Variants in RHOQ observed in about 807,000 individuals in gnomAD.
The protein encoded by RHOQ is rho-related GTP-binding protein RhoQ.
In RHOQ, 7 loss-of-function variants were observed where a neutral mutation model predicts 25.8. The observed-to-expected ratio is 0.27, with a 90% confidence interval of 0.15 to 0.51. The LOEUF (loss-of-function observed/expected upper bound fraction) is 0.51, where lower values mean the gene tolerates loss of function less well. Among genes scored for constraint, RHOQ ranks in the 20% least tolerant of loss-of-function variants. The pLI is 0.97. For synonymous variants in RHOQ, 97 were observed against 98.6 expected (o/e 0.98, Z 0.10); for missense variants, 165 against 260.6 (o/e 0.63, Z 2.53).
chr2:46,573,423 C>T (rs1669002039), intron 2 of RHOQ, among the ~76,000 whole-genome samples: 1 of 152,198 alleles, frequency 6.6e-6, no homozygotes, highest in Non-Finnish European at 1.5e-5. Context: ...ATTGTTCAGA[C>T]TTAAGAAGTA....
At position 46,545,772 on chromosome 2, in the gene RHOQ, T is replaced by C. The variant is rs565069852; in HGVS notation, c.201+1960T>C. ...GCATCCATAGTTGTGGTACCTGTAA[T>C]CTTCACAGCCATTCTCTGAGTGGGT... On this transcript the variant is annotated intron_variant, in intron 2 of 4. Coordinates refer to ENST00000238738, the MANE Select transcript of RHOQ (RefSeq NM_012249.4). Among the ~76,000 whole-genome samples the C allele has an allele frequency of 2.0e-5, 3 of 152,318 alleles. No homozygotes were observed. The South Asian group carries it at 6.2e-4, about 32-fold the overall frequency.
intron 4 of RHOQ, among the ~76,000 whole-genome samples, chr2:46,578,275 T>A (rs867500843): frequency 2.0e-5 from 3 of 152,202 alleles, no homozygotes; most frequent in Middle Eastern, 3.4e-3. Context: ...ATCAAAGCAG[T>A]CTTGACAGTA....
chr2:46,554,644 C>T (rs1668357132), intron 2 of RHOQ, among the ~76,000 whole-genome samples: 1 of 152,138 alleles, frequency 6.6e-6, no homozygotes, highest in Admixed American at 6.5e-5. Flanking sequence ...CAAGGAGTGG[C>T]TGAAGGGAGA....
At chr2:46,560,711 C>T (rs1313884215) in intron 2 of RHOQ, 1 of 434,680 alleles carries the variant, frequency 2.3e-6, no homozygotes, top group African/African-American at 2.0e-5. Flanking sequence ...CTAATATTCT[C>T]ATTATGCAAT....
rs1473648124 is a variant in RHOQ at position 46,569,786 on chromosome 2, A to G, written c.202-6301A>G. On this transcript the variant is annotated intron_variant, in intron 2 of 4. Transcript: ENST00000238738. The surrounding 1 kb of genome is among the most constrained non-coding windows in gnomAD (Gnocchi z 4.1). The stretch of plus-strand genomic sequence containing the variant: ...ACTAAGCGCTAATCAGGCCAGTGAC[A>G]TATAAATACCATTTCACAACTGAAC... Among the ~76,000 whole-genome samples the G allele has an allele frequency of 6.6e-6, 1 of 152,260 alleles. No individual in the cohort carries two copies. Among genetic ancestry groups the G allele is most frequent in the Non-Finnish European group, 1.5e-5 (1 of 68,044 alleles).
In RHOQ at chr2:46,556,462, T is replaced by C. The variant is rs1004850693; in HGVS notation, c.201+12650T>C. Among the ~76,000 whole-genome samples, 6 of 149,640 alleles carry C rather than the reference T, an allele frequency of 4.0e-5. No homozygotes were observed. Among genetic ancestry groups the C allele is most frequent in the East Asian group, 1.9e-4 (1 of 5,170 alleles). ...TGATCTCTTCTCTACCCTTCTGATA[T>C]TCTTTTTCTTAAAAAATTTTTTTAA... On this transcript the variant is annotated intron_variant, in intron 2 of 4. Coordinates refer to ENST00000238738, the MANE Select transcript of RHOQ (RefSeq NM_012249.4). The surrounding 1 kb of genome is among the most constrained non-coding windows in gnomAD (Gnocchi z 4.9).
chr2:46,559,497 G>A (rs1668505188), intron 2 of RHOQ, among the ~76,000 whole-genome samples: 1 of 152,188 alleles, frequency 6.6e-6, no homozygotes, highest in Non-Finnish European at 1.5e-5. Flanking sequence ...GAGCTTCCCT[G>A]TTGGTCAGGG....
chr2:46,552,745 CA>C lies in RHOQ; in HGVS notation c.201+8934del, dbSNP rs1188905862. Among the ~76,000 whole-genome samples, 3 of 152,186 alleles carry C rather than the reference CA, an allele frequency of 2.0e-5. No homozygotes were observed. Among genetic ancestry groups the C allele is most frequent in the Non-Finnish European group, 4.4e-5 (3 of 68,038 alleles). On this transcript the variant is annotated intron_variant, in intron 2 of 4. Coordinates refer to ENST00000238738, the MANE Select transcript of RHOQ (RefSeq NM_012249.4). This position sits in a 1 kb window ranked among gnomAD's most constrained non-coding sequence, Gnocchi z 5.0. ...CTGAGCACCAGATCTGGGCCAGGGGCAGGTGTTAGAAGATCTGTCAGGCACA... is the reference window on the plus strand; with the variant it reads ...CTGAGCACCAGATCTGGGCCAGGGGCGGTGTTAGAAGATCTGTCAGGCACA...
chr2:46,557,076 T>C (rs1281392597), intron 2 of RHOQ, among the ~76,000 whole-genome samples: 2 of 152,214 alleles, frequency 1.3e-5, no homozygotes, highest in Non-Finnish European at 1.5e-5. Flanking sequence ...ATAAAAACTT[T>C]GTTTTTCAAC....
intron 2 of RHOQ, among the ~76,000 whole-genome samples, chr2:46,564,384 A>G (rs571131339): frequency 1.3e-5 from 2 of 152,208 alleles, no homozygotes; most frequent in African/African-American, 4.8e-5. Context: ...TACAACCACC[A>G]GCTCTGCCAG....
At chr2:46,562,706 C>G (rs1357294121) in intron 2 of RHOQ, among the ~76,000 whole-genome samples, 1 of 152,202 alleles carries the variant, frequency 6.6e-6, no homozygotes, top group African/African-American at 2.4e-5. Context: ...ACTCTTTTCC[C>G]TTCCCAGCCT....
At chr2:46,550,283 G>C (rs1373073071) in intron 2 of RHOQ, among the ~76,000 whole-genome samples, 2 of 151,898 alleles carry the variant, frequency 1.3e-5, no homozygotes, top group East Asian at 3.9e-4. Context: ...CTGTCAGCTT[G>C]TTTCTGCTAA....
Position 46,576,335 on chromosome 2 carries a change from C to A in RHOQ, c.366+84C>A. On this transcript the variant is annotated intron_variant, in intron 3 of 4. Coordinates refer to ENST00000238738, the MANE Select transcript of RHOQ (RefSeq NM_012249.4). This position sits in a 1 kb window ranked among gnomAD's most constrained non-coding sequence, Gnocchi z 5.1. ...TGCTCTCAGACAAACAGTCCCAAAG[C>A]TGAGCAAATGATGTAAGTGTTTAAT... 1.7e-6 allele frequency: 2 copies of A among 1,196,248 alleles called. No individual in the cohort carries two copies. Among genetic ancestry groups the A allele is most frequent in the Non-Finnish European group, 2.4e-6 (2 of 841,948 alleles). 74.1% of individuals were successfully genotyped at this position (1,196,248 alleles called of 1,614,324 possible). A position where few individuals can be genotyped will look rare whatever the true frequency, so the allele number is the denominator to read the frequency against.
Position 46,557,150 on chromosome 2 carries a change from TGA to T in RHOQ, c.201+13339_201+13340del, listed in dbSNP as rs1668433912. 1.3e-5 allele frequency among the ~76,000 whole-genome samples: 2 copies of T among 152,228 alleles called. 1 individual carries two copies. The highest frequency in any genetic ancestry group is 2.9e-5 in the Non-Finnish European group (2 of 68,034). ...CTGCCCCATTTTTGGGAATGAAAAC[TGA>T]AACAACCAGTTTGGAGGTTAATTTG... On this transcript the variant is annotated intron_variant, in intron 2 of 4. Coordinates refer to ENST00000238738, the MANE Select transcript of RHOQ (RefSeq NM_012249.4).
chr2:46,583,326 G>A lies in RHOQ; in HGVS notation c.*2243G>A, dbSNP rs938886970. Among the ~76,000 whole-genome samples, 17 of 152,112 alleles carry A rather than the reference G, an allele frequency of 1.1e-4. No individual in the cohort carries two copies. Among genetic ancestry groups the A allele is most frequent in the Non-Finnish European group, 2.1e-4 (14 of 67,980 alleles). Reference sequence around the variant, plus strand: ...TTTGGTTTCCTCATTATAAATATGGGAGGTAGAACAGAGATCTCCAACGTC... The same window carrying A: ...TTTGGTTTCCTCATTATAAATATGGAAGGTAGAACAGAGATCTCCAACGTC... On this transcript the variant is annotated 3_prime_UTR_variant, in exon 5 of 5. Coordinates refer to ENST00000238738, the MANE Select transcript of RHOQ (RefSeq NM_012249.4).
chr2:46,566,780 G>A lies in RHOQ; in HGVS notation c.202-9307G>A, dbSNP rs112025964. Among the ~76,000 whole-genome samples the A allele has an allele frequency of 5.0e-4, 76 of 152,242 alleles. No individual in the cohort carries two copies. Among genetic ancestry groups the A allele is most frequent in the Non-Finnish European group, 9.0e-4 (61 of 68,032 alleles). The stretch of plus-strand genomic sequence containing the variant: ...CTGCCTTGGGACGTTTGCATACATT[G>A]TCTTGTTGTCTGTCTCCTTAAGCGG... On this transcript the variant is annotated intron_variant, in intron 2 of 4. Transcript: ENST00000238738. The surrounding 1 kb of genome is among the most constrained non-coding windows in gnomAD (Gnocchi z 4.2).
rs1437290370 is a variant in RHOQ, at chr2:46,548,874, C to A, written c.201+5062C>A. 1.3e-5 allele frequency among the ~76,000 whole-genome samples: 2 copies of A among 152,192 alleles called. No individual in the cohort carries two copies. The highest frequency in any genetic ancestry group is 4.8e-5 in the African/African-American group (2 of 41,432). On this transcript the variant is annotated intron_variant, in intron 2 of 4. Coordinates refer to ENST00000238738, the MANE Select transcript of RHOQ (RefSeq NM_012249.4). This position sits in a 1 kb window ranked among gnomAD's most constrained non-coding sequence, Gnocchi z 5.2. ...CCTCTGCGTTGGGAAGGTGGATAGCCTTTGTTGACTCCAAAGCCTTTGCTG... is the reference window on the plus strand; with the variant it reads ...CCTCTGCGTTGGGAAGGTGGATAGCATTTGTTGACTCCAAAGCCTTTGCTG...
chr2:46,577,091 A>C (rs541872570), intron 4 of RHOQ: 2 of 153,258 alleles, frequency 1.3e-5, no homozygotes, highest in East Asian at 1.9e-4. Context: ...TGAGTTAGAC[A>C]GTGGAGCCAC....
chr2:46,543,305 C>A lies in RHOQ; in HGVS notation c.142+117C>A, dbSNP rs1454408449. The A allele has an allele frequency of 4.1e-6, 5 of 1,205,382 alleles. No homozygotes were observed. The Admixed American group carries it at 8.5e-5, about 21-fold the overall frequency. 74.7% of individuals were successfully genotyped at this position (1,205,382 alleles called of 1,614,324 possible). A position where few individuals can be genotyped will look rare whatever the true frequency, so the allele number is the denominator to read the frequency against. On this transcript the variant is annotated intron_variant, in intron 1 of 4. Coordinates refer to ENST00000238738, the MANE Select transcript of RHOQ (RefSeq NM_012249.4). ...CGCACTCCTCTCCCCTCCCCCGCCG[C>A]GCCCTCTGCCAGGCGGCCGGCCCCA...
Sources: allele counts gnomAD v4.1 joint callset (sites outside exome capture counted in the v4.1 genomes callset), GRCh38; gene constraint gnomAD v4.1.1; non-coding constraint Gnocchi (gnomAD v3.1); transcripts MANE v1.5; gene names NCBI Gene and HGNC (gene_info 2026-07-23, HGNC 2026-07-21).